MEAK7: variants seen among roughly 807,000 people sequenced by gnomAD.
The protein encoded by MEAK7 is MTOR associated protein MEAK7.
In MEAK7, 68 loss-of-function variants were observed where a neutral mutation model predicts 40.5. The ratio of observed to expected loss-of-function variants is 1.68; its 90% CI spans 1.38 to 2.06. The LOEUF is 2.06. Among genes scored for constraint, MEAK7 ranks in the 30% most tolerant of loss-of-function variants. MEAK7 has a pLI of 0.00. For missense variants in MEAK7, 918 were observed against 580.5 expected (o/e 1.58, Z -5.98); for synonymous variants, 338 against 231.9 (o/e 1.46, Z -4.16).
intron 5 of MEAK7, among the ~76,000 whole-genome samples, chr16:84,484,683 G>A (rs563649791): frequency 1.3e-5 from 2 of 152,270 alleles, no homozygotes; most frequent in African/African-American, 4.8e-5. Flanking sequence ...TGCCTTCATT[G>A]TTTGTCCCAC....
intron 1 of MEAK7, among the ~76,000 whole-genome samples, chr16:84,501,105 GAAAA>G (rs35447624): frequency 0.044 from 4,529 of 103,656 alleles, 219 homozygotes; most frequent in East Asian, 0.25. Flanking sequence ...AAAAAAAAAA[GAAAA>G]AAAAAAAAAA....
intron 1 of MEAK7, among the ~76,000 whole-genome samples, chr16:84,502,213 G>A (rs1914559855): frequency 6.6e-6 from 1 of 152,124 alleles, no homozygotes. Flanking sequence ...TTGTACCAGT[G>A]GAGCTCGACT....
chr16:84,484,111 G>C (rs1912824118), intron 5 of MEAK7, among the ~76,000 whole-genome samples: 1 of 152,210 alleles, frequency 6.6e-6, no homozygotes, highest in African/African-American at 2.4e-5. Flanking sequence ...AGCCCGTCTT[G>C]CTGCGGAGCA....
intron 3 of MEAK7, among the ~76,000 whole-genome samples, chr16:84,491,428 ACTTG>A: frequency 6.6e-6 from 1 of 151,460 alleles, no homozygotes; most frequent in South Asian, 2.1e-4. Context: ...AATCCTACCT[ACTTG>A]GGATGCTGAG....
intron 5 of MEAK7, among the ~76,000 whole-genome samples, chr16:84,483,868 G>C (rs1374527679): frequency 6.6e-6 from 1 of 152,196 alleles, no homozygotes; most frequent in Non-Finnish European, 1.5e-5. Context: ...TGAGAGCATC[G>C]GGTGGAGGAA....
intron 6 of MEAK7, among the ~76,000 whole-genome samples, chr16:84,481,167 C>T (rs1430901046): frequency 6.6e-6 from 1 of 152,252 alleles, no homozygotes; most frequent in East Asian, 1.9e-4. Flanking sequence ...GGAAACTCAG[C>T]TCCGAGTGTG....
intron 5 of MEAK7, among the ~76,000 whole-genome samples, chr16:84,483,261 T>A (rs944980646): frequency 2.0e-5 from 3 of 152,128 alleles, no homozygotes; most frequent in Non-Finnish European, 4.4e-5. Flanking sequence ...ACACAGGCCA[T>A]TAAAAGAAAG....
chr16:84,488,782 A>G (rs974121743), intron 4 of MEAK7, among the ~76,000 whole-genome samples: 1 of 152,230 alleles, frequency 6.6e-6, no homozygotes. Flanking sequence ...TATGGCATGC[A>G]GCGAAGGCAG....
chr16:84,494,684 TCACGGGA>T, intron 3 of MEAK7: 2 of 370,012 alleles, frequency 5.4e-6, no homozygotes, highest in African/African-American at 2.2e-5. Context: ...TATTTTTTCT[TCACGGGA>T]CATGAGACTT....
chr16:84,478,880 G>A lies in MEAK7; in HGVS notation c.*1033C>T, dbSNP rs1028687464. ...GTGACTCAGGTGCTGGTTCCCAGAG[G>A]TCTAGAACCCAGGCCAGTCACTCAC... is the stretch of plus-strand genomic sequence containing the variant. On this transcript the variant is annotated 3_prime_UTR_variant, in exon 8 of 8. Transcript: ENST00000343629. 4 of 152,192 alleles carry A rather than the reference G, an allele frequency of 2.6e-5. No individual in the cohort carries two copies. Among genetic ancestry groups the A allele is most frequent in the Admixed American group, 2.6e-4 (4 of 15,266 alleles). 9.4% of individuals were successfully genotyped at this position (152,192 alleles called of 1,614,324 possible).
rs1393081470 is a variant in MEAK7, at chr16:84,504,643, C to T, written c.-68G>A. 2.0e-6 allele frequency: 2 copies of T among 985,638 alleles called. No homozygotes were observed. Among genetic ancestry groups the T allele is most frequent in the Non-Finnish European group, 2.4e-6 (2 of 830,042 alleles). 61.1% of individuals were successfully genotyped at this position (985,638 alleles called of 1,614,324 possible). On this transcript the variant is annotated 5_prime_UTR_variant, in exon 1 of 8. Transcript: ENST00000343629. ...TGCTGTCCGGTCCGGTCCAGCAGCC[C>T]ACGGGCTCCTCTCGAGAGCCGCCCC...
At position 84,480,568 on chromosome 16, in the gene MEAK7, C is replaced by CA. The variant is rs1272234799; in HGVS notation, c.1217dup (p.Met406IlefsTer27). On this transcript the variant is annotated frameshift_variant, in exon 7 of 8. Transcript: ENST00000343629. LOFTEE classifies it low-confidence loss of function (END_TRUNC). Reference sequence around the variant, plus strand: ...AGGGGTCTCCAACCGCCCACACCTCCATCTTATCAAACTGGAAGTTCTCCT... The same window carrying CA: ...AGGGGTCTCCAACCGCCCACACCTCCAATCTTATCAAACTGGAAGTTCTCCT... 1 of 1,613,820 alleles carries CA rather than the reference C, an allele frequency of 6.2e-7. No individual in the cohort carries two copies. Among genetic ancestry groups the CA allele is most frequent in the African/African-American group, 1.3e-5 (1 of 75,034 alleles).
At chr16:84,493,495 A>C (rs1913799206) in intron 3 of MEAK7, among the ~76,000 whole-genome samples, 1 of 152,228 alleles carries the variant, frequency 6.6e-6, no homozygotes, top group African/African-American at 2.4e-5. Flanking sequence ...TGACCGAAAT[A>C]ATCTTTTATG....
At chr16:84,502,176 G>C (rs1418095426) in intron 1 of MEAK7, among the ~76,000 whole-genome samples, 1 of 152,002 alleles carries the variant, frequency 6.6e-6, no homozygotes, top group Non-Finnish European at 1.5e-5. Context: ...CGCTGGTGCT[G>C]GTGCTGACAG....
intron 6 of MEAK7, among the ~76,000 whole-genome samples, chr16:84,481,589 A>G (rs1383890870): frequency 6.6e-6 from 1 of 152,296 alleles, no homozygotes; most frequent in South Asian, 2.1e-4. Flanking sequence ...ATATCGGACC[A>G]GCCTTCTCTG....
intron 1 of MEAK7, among the ~76,000 whole-genome samples, chr16:84,501,481 A>G (rs1334887904): frequency 6.6e-6 from 1 of 152,150 alleles, no homozygotes; most frequent in Non-Finnish European, 1.5e-5. Context: ...CAGCCTGGCC[A>G]GCCCTCACCA....
chr16:84,500,488 G>A (rs1392140015), intron 1 of MEAK7, among the ~76,000 whole-genome samples: 3 of 152,164 alleles, frequency 2.0e-5, no homozygotes, highest in Admixed American at 6.5e-5. Flanking sequence ...TCTTCGCAGC[G>A]GATGGGCCTT....
chr16:84,491,086 A>T (rs543197103), intron 3 of MEAK7, among the ~76,000 whole-genome samples: 2 of 152,358 alleles, frequency 1.3e-5, no homozygotes, highest in South Asian at 4.1e-4. Context: ...CAAAAATATG[A>T]AGAATCTTTA....
rs778723649 is a variant in MEAK7 at position 84,480,678 on chromosome 16, G to A, written c.1108C>T (p.Leu370Phe). The change falls in exon 7 of 8, where the codon CTT becomes TTT. Residue 370 changes from leucine (L) to phenylalanine (F), a missense_variant. By Grantham distance (22) the Leu-to-Phe change is conservative. Transcript: ENST00000343629. Reference sequence around the variant, plus strand: ...TTCCCAAAATCAACATCCACCCAAAGCCCAAAGTAATTGTGCTGCCCCCCC... The same window carrying A: ...TTCCCAAAATCAACATCCACCCAAAACCCAAAGTAATTGTGCTGCCCCCCC... ...GMGGQHNYFG[L>F]WVDVDFGKGH... The A allele has an allele frequency of 1.2e-6, 2 of 1,613,714 alleles. No individual in the cohort carries two copies. Among genetic ancestry groups the A allele is most frequent in the East Asian group, 2.2e-5 (1 of 44,854 alleles).
Sources: allele counts gnomAD v4.1 joint callset (sites outside exome capture counted in the v4.1 genomes callset), GRCh38; gene constraint gnomAD v4.1.1; transcripts MANE v1.5; gene names NCBI Gene and HGNC (gene_info 2026-07-23, HGNC 2026-07-21).